Variants in SNRPN observed in about 807,000 individuals in gnomAD.
SNRPN encodes the protein small nuclear ribonucleoprotein-associated protein N.
A neutral mutation model predicts 25.2 loss-of-function variants in SNRPN; 7 were observed. The ratio of observed to expected loss-of-function variants is 0.28; its 90% CI spans 0.16 to 0.52. The LOEUF (loss-of-function observed/expected upper bound fraction) is 0.52, where lower values mean the gene tolerates loss of function less well. SNRPN is among the 20% of genes least tolerant of loss of function. The probability of loss-of-function intolerance (pLI) is 0.96; values close to 1 mark genes in which losing one functional copy is unlikely to be tolerated. For missense variants in SNRPN, 196 were observed against 322.5 expected (o/e 0.61, Z 3.00); for synonymous variants, 124 against 110.6 (o/e 1.12, Z -0.76).
rs775260269 is a variant in SNRPN, at chr15:24,909,080, C to T, written c.-504-10931C>T. On this transcript the variant is annotated intron_variant, in intron 2 of 11. Transcript: ENST00000400097. Reference sequence around the variant, plus strand: ...CTTATTTTCATAGACTGGATTCTCTCGTATAGCAGCATGAGCTTCCTTATA... The same window carrying T: ...CTTATTTTCATAGACTGGATTCTCTTGTATAGCAGCATGAGCTTCCTTATA... 4.3e-5 allele frequency: 60 copies of T among 1,408,752 alleles called. No individual in the cohort carries two copies. In the Middle Eastern group the frequency reaches 9.9e-4, roughly 23 times the overall value. The allele number at this position is 1,408,752 out of a possible 1,614,324, so 87.3% of individuals were successfully genotyped here. A position where few individuals can be genotyped will look rare whatever the true frequency, so the allele number is the denominator to read the frequency against.
chr15:24,964,093 G>T (rs1329718908), intron 2 of SNRPN, among the ~76,000 whole-genome samples: 1 of 145,400 alleles, frequency 6.9e-6, no homozygotes, highest in African/African-American at 2.8e-5. Context: ...TGAGGGTAAA[G>T]ATTTTTTTTT....
chr15:24,843,788 A>AACACACAC (rs56693061), intron 2 of SNRPN, among the ~76,000 whole-genome samples: 21,560 of 139,692 alleles, frequency 0.15, 2,036 homozygotes, highest in Admixed American at 0.2. Flanking sequence ...CTCCATCACA[A>AACACACAC]ACACACACAC....
At chr15:24,917,018 AT>A (rs2059571782) in intron 2 of SNRPN, among the ~76,000 whole-genome samples, 1 of 152,116 alleles carries the variant, frequency 6.6e-6, no homozygotes, top group African/African-American at 2.4e-5. Flanking sequence ...TGATTGGTCC[AT>A]TTTACAGAGT....
chr15:24,881,031 C>G (rs1037256958), intron 1 of SNRPN, among the ~76,000 whole-genome samples: 3 of 152,006 alleles, frequency 2.0e-5, no homozygotes, highest in African/African-American at 7.3e-5. Context: ...TGAATAATGA[C>G]GGTCCATGCA....
Position 24,922,708 on chromosome 15 carries a change from T to A in SNRPN, c.-391+2584T>A, listed in dbSNP as rs114015240. On this transcript the variant is annotated intron_variant, in intron 3 of 11. Coordinates refer to the SNRPN transcript ENST00000400097. ...ATTGCATTTTCTGTATTTATCCATG[T>A]TGTGTGTAATTCCAGCTTCTTAATT... Among the ~76,000 whole-genome samples, 977 of 152,216 alleles carry A rather than the reference T, an allele frequency of 6.4e-3. 12 individuals carry two copies. The Middle Eastern group carries it at 0.065, about 10-fold the overall frequency.
At chr15:24,916,390 G>A (rs936051225) in intron 2 of SNRPN, among the ~76,000 whole-genome samples, 2 of 152,040 alleles carry the variant, frequency 1.3e-5, no homozygotes, top group Admixed American at 1.3e-4. Context: ...GTGAGAGATG[G>A]AGAGAGATCA....
chr15:24,836,072 G>T, intron 2 of SNRPN, among the ~76,000 whole-genome samples: 1 of 152,032 alleles, frequency 6.6e-6, no homozygotes, highest in South Asian at 2.1e-4. Flanking sequence ...TCTAGAGGCC[G>T]GCAAGGTTGT....
intron 3 of SNRPN, among the ~76,000 whole-genome samples, chr15:24,969,765 A>G (rs1427848474): frequency 1.3e-5 from 2 of 152,194 alleles, no homozygotes; most frequent in African/African-American, 4.8e-5. Flanking sequence ...AGTTCTACCT[A>G]AATAGTACCC....
At chr15:24,879,473 A>G (rs927598899) in intron 1 of SNRPN, among the ~76,000 whole-genome samples, 2 of 152,110 alleles carry the variant, frequency 1.3e-5, no homozygotes, top group Admixed American at 1.3e-4. Flanking sequence ...TATACATTTA[A>G]TTGAAGCTCA....
At chr15:24,954,164 A>C (rs2062497429), upstream of SNRPN, among the ~76,000 whole-genome samples, 1 of 152,250 alleles carries the variant, frequency 6.6e-6, no homozygotes, top group African/African-American at 2.4e-5. Context: ...TTATTTCTGC[A>C]GATAGAATAT....
At chr15:24,957,924 G>A (rs2063188929) in intron 1 of SNRPN, among the ~76,000 whole-genome samples, 1 of 152,134 alleles carries the variant, frequency 6.6e-6, no homozygotes, top group African/African-American at 2.4e-5. Flanking sequence ...CAAGGTCTGT[G>A]TCCTACTCAG....
chr15:24,841,412 A>C (rs572533844), intron 2 of SNRPN, among the ~76,000 whole-genome samples: 1 of 152,152 alleles, frequency 6.6e-6, no homozygotes, highest in Non-Finnish European at 1.5e-5. Flanking sequence ...CCACAAGTAC[A>C]TAAGCATTGT....
intron 2 of SNRPN, among the ~76,000 whole-genome samples, chr15:24,919,447 TATTCA>T (rs1454854597): frequency 5.4e-5 from 7 of 130,792 alleles, no homozygotes. Flanking sequence ...AAAAAAAAAA[TATTCA>T]ATTATGCTTG....
At chr15:24,852,441 A>G (rs1240100832), upstream of SNRPN, among the ~76,000 whole-genome samples, 3 of 152,196 alleles carry the variant, frequency 2.0e-5, no homozygotes, top group East Asian at 1.9e-4. Context: ...AAAGTTTCTC[A>G]GTCACCACTT....
In SNRPN at chr15:24,955,014, C is replaced by G. The variant is rs563550744; in HGVS notation, c.-439C>G. ...AGAGTGGAGCGGCCGCCGGAGATGC[C>G]TGACGCATCTGTCTGAGGAGCGGTC... On this transcript the variant is annotated 5_prime_UTR_variant, in exon 1 of 10. Coordinates refer to ENST00000390687, the MANE Select transcript of SNRPN (RefSeq NM_003097.6). The G allele has an allele frequency of 1.2e-6, 2 of 1,612,276 alleles. No individual in the cohort carries two copies. The highest frequency in any genetic ancestry group is 1.3e-5 in the African/African-American group (1 of 75,016).
At chr15:24,942,588 TAC>T (rs2061620495) in intron 3 of SNRPN, 1 of 152,270 alleles carries the variant, frequency 6.6e-6, no homozygotes, top group Non-Finnish European at 1.5e-5. Flanking sequence ...TTTGTGATTT[TAC>T]AGAGGGAACT....
rs535537202 is a variant in SNRPN at position 24,912,048 on chromosome 15, A to T, written c.-504-7963A>T. ...TCTCTGTAAGGTGAGAGGTAGAATC[A>T]AAAAAGCTGACTCTCACACCTCAAG... is the stretch of plus-strand genomic sequence containing the variant. On this transcript the variant is annotated intron_variant, in intron 2 of 11. Transcript: ENST00000400097. Among the ~76,000 whole-genome samples the T allele has an allele frequency of 2.0e-5, 3 of 152,224 alleles. No individual in the cohort carries two copies. In the East Asian group the frequency reaches 5.8e-4, roughly 29 times the overall value.
chr15:24,892,261 G>A (rs1397856004), intron 2 of SNRPN, among the ~76,000 whole-genome samples: 1 of 152,166 alleles, frequency 6.6e-6, no homozygotes, highest in Non-Finnish European at 1.5e-5. Context: ...CAGCAGGGTG[G>A]ACTAAAGTTT....
chr15:24,932,390 A>G (rs548181352), intron 3 of SNRPN, among the ~76,000 whole-genome samples: 2 of 152,092 alleles, frequency 1.3e-5, no homozygotes, highest in East Asian at 3.9e-4. Context: ...GCTCGCCACC[A>G]CGACTGGCCA....
Sources: allele counts gnomAD v4.1 joint callset (sites outside exome capture counted in the v4.1 genomes callset), GRCh38; gene constraint gnomAD v4.1.1; transcripts MANE v1.5; gene names NCBI Gene and HGNC (gene_info 2026-07-23, HGNC 2026-07-21).